Variants in CHST6 observed in about 807,000 individuals in gnomAD.
CHST6 encodes N-acetylglucosamine 6-O-sulfotransferase 5.
For synonymous variants in CHST6, 309 were observed against 276.4 expected (o/e 1.12, Z -1.17); for missense variants, 698 against 586.2 (o/e 1.19, Z -1.97).
In CHST6 at chr16:75,478,734, G is replaced by A. The variant is rs780442220; in HGVS notation, c.1095C>T (p.Asp365=). ...GATCAAGGGCGAGGTTGCGCTGCTCGTCCTCAGAGTACACAGGCCGGTAGC... is the reference window on the plus strand; with the variant it reads ...GATCAAGGGCGAGGTTGCGCTGCTCATCCTCAGAGTACACAGGCCGGTAGC... The part of the protein sequence containing the change: ...LLGYRPVYSE[D]EQRNLALDLV... Residue 365 remains aspartate (D), a synonymous_variant, in exon 3 of 3, where the codon GAC becomes GAT. Transcript: ENST00000332272. The A allele has an allele frequency of 1.2e-5, 19 of 1,613,428 alleles. No homozygotes were observed. Among genetic ancestry groups the A allele is most frequent in the Middle Eastern group, 1.6e-4 (1 of 6,084 alleles).
At chr16:75,482,175 C>T (rs1027374837) in intron 1 of CHST6, among the ~76,000 whole-genome samples, 2 of 152,196 alleles carry the variant, frequency 1.3e-5, no homozygotes, top group Non-Finnish European at 2.9e-5. Flanking sequence ...GAGACACCCA[C>T]AGGCCACCTA....
chr16:75,485,450 G>C (rs975886844), intron 1 of CHST6, among the ~76,000 whole-genome samples: 3 of 152,284 alleles, frequency 2.0e-5, no homozygotes, highest in East Asian at 3.9e-4. Flanking sequence ...GGGCAACAGA[G>C]TGTGACCCTC....
In CHST6 at chr16:75,479,277, G is replaced by A. The variant is rs1027441120; in HGVS notation, c.552C>T (p.Leu184=). The A allele has an allele frequency of 5.6e-6, 9 of 1,612,910 alleles. No individual in the cohort carries two copies. Among genetic ancestry groups the A allele is most frequent in the Middle Eastern group, 1.6e-4 (1 of 6,084 alleles). The change falls in exon 3 of 3, where the codon CTC becomes CTT. Residue 184 remains leucine (L), a synonymous_variant. Coordinates refer to ENST00000332272, the MANE Select transcript of CHST6 (RefSeq NM_021615.5). The part of the protein sequence containing the change: ...KEVRFFNLQV[L]YPLLSDPALN... Reference sequence around the variant, plus strand: ...GCGCGGGGTCGCTGAGCAGCGGGTAGAGCACCTGCAGGTTGAAGAAGCGCA... The same window carrying A: ...GCGCGGGGTCGCTGAGCAGCGGGTAAAGCACCTGCAGGTTGAAGAAGCGCA...
At chr16:75,493,586 G>A (rs1346909101) in intron 1 of CHST6, among the ~76,000 whole-genome samples, 3 of 151,968 alleles carry the variant, frequency 2.0e-5, no homozygotes, top group African/African-American at 7.3e-5. Context: ...GATTGAAAGA[G>A]TGAGTGAGTG....
chr16:75,493,061 A>G (rs2080272791), intron 1 of CHST6, among the ~76,000 whole-genome samples: 1 of 152,070 alleles, frequency 6.6e-6, no homozygotes, highest in Admixed American at 6.6e-5. Context: ...GTATTTCTGG[A>G]CCCATTTCCC....
chr16:75,478,945 A>C lies in CHST6; in HGVS notation c.884T>G (p.Leu295Arg), dbSNP rs768266911. Reference sequence around the variant, plus strand: ...GATCCAGGCCTCGAGCTGTGGCGTGAGACTGAGCCCAGTGAAGGCGTAGAG... The same window carrying C: ...GATCCAGGCCTCGAGCTGTGGCGTGCGACTGAGCCCAGTGAAGGCGTAGAG... Reference protein sequence around the residue: ...RALYAFTGLSLTPQLEAWIHN... With the variant: ...RALYAFTGLSRTPQLEAWIHN... Residue 295 changes from leucine to arginine, a missense_variant, in exon 3 of 3, where the codon CTC becomes CGC. Coordinates refer to ENST00000332272, the MANE Select transcript of CHST6 (RefSeq NM_021615.5). The C allele has an allele frequency of 1.2e-6, 2 of 1,613,060 alleles. No individual in the cohort carries two copies. Among genetic ancestry groups the C allele is most frequent in the African/African-American group, 1.3e-5 (1 of 75,034 alleles).
chr16:75,495,203 G>A lies in CHST6; in HGVS notation c.-355C>T, dbSNP rs1027587454. 1.3e-5 allele frequency: 2 copies of A among 152,574 alleles called. No individual in the cohort carries two copies. The highest frequency in any genetic ancestry group is 2.9e-5 in the Non-Finnish European group (2 of 68,318). The allele number at this position is 152,574 out of a possible 1,614,324, so 9.5% of individuals were successfully genotyped here. On this transcript the variant is annotated 5_prime_UTR_variant, in exon 1 of 3. Coordinates refer to ENST00000332272, the MANE Select transcript of CHST6 (RefSeq NM_021615.5). ...GACCAAGCCACTGGAAGCTCCTGGA[G>A]ACTCGAGGTAGAACGAATGTGGGAA...
Position 75,479,325 on chromosome 16 carries a change from G to C in CHST6, c.504C>G (p.Tyr168Ter). 6.2e-7 allele frequency: 1 copy of C among 1,613,176 alleles called. No individual in the cohort carries two copies. The highest frequency in any genetic ancestry group is 8.5e-7 in the Non-Finnish European group (1 of 1,179,806). Residue 168 changes from tyrosine (Y) to a stop codon, truncating the protein, a stop_gained, in exon 3 of 3, where the codon TAC becomes TAG. Coordinates refer to ENST00000332272, the MANE Select transcript of CHST6 (RefSeq NM_021615.5). LOFTEE classifies it low-confidence loss of function (END_TRUNC). Reference sequence around the variant, plus strand: ...GCACCTCCTTGAGCACCACGTGGCTGTAGGAGCGGCAGGCCTCCCGGGCCA... The same window carrying C: ...GCACCTCCTTGAGCACCACGTGGCTCTAGGAGCGGCAGGCCTCCCGGGCCA... Reference protein sequence around the residue: ...FTLAREACRSYSHVVLKEVRF... With the variant: ...FTLAREACRS
At chr16:75,481,753 G>C (rs963640269) in intron 2 of CHST6, 64 bp downstream of exon 2, 3 of 465,054 alleles carry the variant, frequency 6.5e-6, no homozygotes, top group African/African-American at 6.0e-5. Context: ...GCGGAGCTGG[G>C]ATGGAGCCAG....
chr16:75,481,672 G>A, intron 2 of CHST6, 145 bp downstream of exon 2: 1 of 355,524 alleles, frequency 2.8e-6, no homozygotes, highest in Non-Finnish European at 5.8e-6. Context: ...GGGGTGAAGT[G>A]CTGAAGGCAG....
rs7194035 is a variant in CHST6, at chr16:75,476,722, G to A, written c.*1919C>T. Reference sequence around the variant, plus strand: ...TTCCCAGTCTCCAGACTTGTGAGAAGAACATTTGTTTATAAGTTACCCAGT... The same window carrying A: ...TTCCCAGTCTCCAGACTTGTGAGAAAAACATTTGTTTATAAGTTACCCAGT... On this transcript the variant is annotated 3_prime_UTR_variant, in exon 3 of 3. Coordinates refer to ENST00000332272, the MANE Select transcript of CHST6 (RefSeq NM_021615.5). 79,383 of 150,550 alleles carry A rather than the reference G, an allele frequency of 0.53. 21,189 individuals are homozygous for A. The highest frequency in any genetic ancestry group is 0.64 in the Admixed American group (9,738 of 15,126). 9.3% of individuals were successfully genotyped at this position (150,550 alleles called of 1,614,324 possible).
At chr16:75,487,040 T>C (rs1487302299) in intron 1 of CHST6, among the ~76,000 whole-genome samples, 1 of 152,182 alleles carries the variant, frequency 6.6e-6, no homozygotes, top group African/African-American at 2.4e-5. Context: ...TCAAGGAATG[T>C]CCCAAACAAC....
At position 75,479,709 on chromosome 16, in the gene CHST6, G is replaced by A. The variant is rs61740904; in HGVS notation, c.120C>T (p.Arg40=). The A allele has an allele frequency of 1.7e-3, 2,763 of 1,609,842 alleles. 50 individuals are homozygous for A. In the African/African-American group the frequency reaches 0.033, roughly 19 times the overall value. ...GPSSPAGGEA[R]VHVLVLSSWR... The stretch of plus-strand genomic sequence containing the variant: ...ACGAGGACAGCACCAGCACATGCAC[G>A]CGCGCCTCGCCGCCTGCTGGGGACG... The change falls in exon 3 of 3, where the codon CGC becomes CGT. Residue 40 remains arginine, a synonymous_variant. Transcript: ENST00000332272.
At chr16:75,491,186 AAAAAATATAT>A (rs1306388862) in intron 1 of CHST6, among the ~76,000 whole-genome samples, 3 of 70,782 alleles carry the variant, frequency 4.2e-5, no homozygotes, top group African/African-American at 1.7e-4. Flanking sequence ...AAAAAAAAAA[AAAAAATATAT>A]ATATATATAT....
intron 1 of CHST6, among the ~76,000 whole-genome samples, chr16:75,491,165 TA>T (rs1168619782): frequency 4.7e-3 from 123 of 26,300 alleles, no homozygotes; most frequent in East Asian, 0.011. Context: ...AACTCCGTCT[TA>T]AAAAAAAAAA....
Position 75,478,747 on chromosome 16 carries a change from A to G in CHST6, c.1082T>C (p.Val361Ala), listed in dbSNP as rs150880663. ...GTTGCGCTGCTCGTCCTCAGAGTAC[A>G]CAGGCCGGTAGCCCAGCAGCTGCAG... ...GALQLLGYRP[V>A]YSEDEQRNLA... Residue 361 changes from valine to alanine, a missense_variant, in exon 3 of 3, where the codon GTG becomes GCG. Transcript: ENST00000332272. 8.0e-5 allele frequency: 129 copies of G among 1,613,520 alleles called. 1 individual carries two copies. In the Middle Eastern group the frequency reaches 2.5e-3, roughly 31 times the overall value.
At chr16:75,489,441 G>A (rs979874417) in intron 1 of CHST6, among the ~76,000 whole-genome samples, 1 of 151,468 alleles carries the variant, frequency 6.6e-6, no homozygotes, top group Non-Finnish European at 1.5e-5. Flanking sequence ...AGGGACTTGC[G>A]GGAAGAATTC....
chr16:75,485,397 T>C (rs1435955716), intron 1 of CHST6, among the ~76,000 whole-genome samples: 1 of 152,142 alleles, frequency 6.6e-6, no homozygotes, highest in Non-Finnish European at 1.5e-5. Context: ...GCCCAGGAGT[T>C]CAAGGTTGCA....
Position 75,479,390 on chromosome 16 carries a change from C to T in CHST6, c.439G>A (p.Ala147Thr), listed in dbSNP as rs553998409. ...CGCGCGCACAGTGGCTTGCACACGG[C>T]CTCGCTGCTGATGGCGCCTCGGGGA... The part of the protein sequence containing the change: ...AFPRGAISSE[A>T]VCKPLCARQS... Residue 147 changes from alanine (A) to threonine (T), a missense_variant, in exon 3 of 3, where the codon GCC becomes ACC. Coordinates refer to ENST00000332272, the MANE Select transcript of CHST6 (RefSeq NM_021615.5). 2 of 1,612,662 alleles carry T rather than the reference C, an allele frequency of 1.2e-6. No individual in the cohort carries two copies. The highest frequency in any genetic ancestry group is 2.7e-5 in the African/African-American group (2 of 75,046).
Sources: allele counts gnomAD v4.1 joint callset (sites outside exome capture counted in the v4.1 genomes callset), GRCh38; gene constraint gnomAD v4.1.1; transcripts MANE v1.5; gene names NCBI Gene and HGNC (gene_info 2026-07-23, HGNC 2026-07-21).